Variants in SYNDIG1L observed in about 807,000 individuals in gnomAD.
SYNDIG1L encodes the protein synapse differentiation-inducing gene protein 1-like.
Under a neutral mutation model 20.1 loss-of-function variants are expected in SYNDIG1L, and 13 were observed. That is an observed-to-expected ratio of 0.65 (90% CI 0.42 to 1.03). SYNDIG1L has a LOEUF of 1.03. Among genes scored for constraint, SYNDIG1L ranks in the 50% least tolerant of loss-of-function variants. The pLI, the probability that SYNDIG1L is intolerant of heterozygous loss-of-function variation, is 0.00. For synonymous variants in SYNDIG1L, 128 were observed against 129.3 expected, an observed-to-expected ratio of 0.99 and a Z score of 0.07; for missense variants, 294 against 305.1, an observed-to-expected ratio of 0.96 and a Z score of 0.27.
chr14:74,406,990 C>T lies in SYNDIG1L; in HGVS notation c.*545G>A, dbSNP rs1281868660. ...CTAGAATCAGAGACAGCAAGAGGCC[C>T]CCTTGCCTCCACGTATTTCCTTCTT... On this transcript the variant is annotated 3_prime_UTR_variant, in exon 4 of 4. Transcript: ENST00000331628. 6.3e-6 allele frequency: 1 copy of T among 158,526 alleles called. No homozygotes were observed. The highest frequency in any genetic ancestry group is 1.4e-5 in the Non-Finnish European group (1 of 71,540). The allele number at this position is 158,526 out of a possible 1,614,324, so 9.8% of individuals were successfully genotyped here. A position where few individuals can be genotyped will look rare whatever the true frequency, so the allele number is the denominator to read the frequency against.
chr14:74,459,244 G>A, the SYNDIG1L span, among the ~76,000 whole-genome samples: 1 of 152,092 alleles, frequency 6.6e-6, no homozygotes, highest in Admixed American at 6.5e-5. Context: ...GGCTGGGTGT[G>A]GTGGCTCACA....
At chr14:74,460,770 T>G in the SYNDIG1L span, among the ~76,000 whole-genome samples, 52 of 152,248 alleles carry the variant, frequency 3.4e-4, 1 homozygote, top group African/African-American at 1.2e-3. Flanking sequence ...CATGTATTAA[T>G]AGCTATAGCT....
chr14:74,449,810 CA>C, the SYNDIG1L span, among the ~76,000 whole-genome samples: 239 of 152,052 alleles, frequency 1.6e-3, 1 homozygote, highest in African/African-American at 5.5e-3. Flanking sequence ...ATGATGATCT[CA>C]AATTCCACCT....
At chr14:74,435,263 A>G in the SYNDIG1L span, among the ~76,000 whole-genome samples, 2 of 152,176 alleles carry the variant, frequency 1.3e-5, no homozygotes, top group Non-Finnish European at 2.9e-5. Context: ...GCTTCAATTC[A>G]ATCAGCCAAT....
chr14:74,452,310 T>C, the SYNDIG1L span, among the ~76,000 whole-genome samples: 4 of 152,198 alleles, frequency 2.6e-5, no homozygotes, highest in African/African-American at 4.8e-5. Context: ...TTTGGCTGTG[T>C]CCCCACCCAA....
chr14:74,407,623 G>T lies in SYNDIG1L; in HGVS notation c.629C>A (p.Ala210Asp). 6.2e-7 allele frequency: 1 copy of T among 1,614,050 alleles called. No individual in the cohort carries two copies. The highest frequency in any genetic ancestry group is 8.5e-7 in the Non-Finnish European group (1 of 1,179,922). The change falls in exon 4 of 4, where the codon GCC (alanine) becomes GAC (aspartate). Residue 210 changes from alanine to aspartate, a missense_variant. Physicochemically the swap from Ala to Asp is moderately radical, Grantham distance 126 (BLOSUM62 -2). Transcript: ENST00000331628. ...STTSRRALFL[A>D]TLAIAVGAGL... Reference sequence around the variant, plus strand: ...GGCCCCCACGGCGATGGCGAGTGTGGCTAGGAAGAGGGCCCGGCGGGAGGT... The same window carrying T: ...GGCCCCCACGGCGATGGCGAGTGTGTCTAGGAAGAGGGCCCGGCGGGAGGT...
the SYNDIG1L span, among the ~76,000 whole-genome samples, chr14:74,439,101 C>T: frequency 3.7e-5 from 5 of 135,344 alleles, no homozygotes; most frequent in East Asian, 2.1e-4. Flanking sequence ...GTGACAAGAG[C>T]GAAACTCTGT....
At chr14:74,479,320 C>T in the SYNDIG1L span, 3 of 152,324 alleles carry the variant, frequency 2.0e-5, 1 homozygote, top group Non-Finnish European at 4.4e-5. Context: ...CACTTGCTCA[C>T]AAGCACTTTG....
chr14:74,426,690 T>C (rs185363928), upstream of SYNDIG1L, among the ~76,000 whole-genome samples: 762 of 152,018 alleles, frequency 5.0e-3, 7 homozygotes, highest in African/African-American at 0.017. Flanking sequence ...GGCAATATAG[T>C]GCCCCTCTTC....
At chr14:74,475,760 T>C in the SYNDIG1L span, among the ~76,000 whole-genome samples, 6 of 152,306 alleles carry the variant, frequency 3.9e-5, no homozygotes, top group East Asian at 1.2e-3. Context: ...CTAAAGCAAA[T>C]GTCTTGGCCT....
the SYNDIG1L span, among the ~76,000 whole-genome samples, chr14:74,442,697 C>T: frequency 6.6e-6 from 1 of 152,066 alleles, no homozygotes; most frequent in Non-Finnish European, 1.5e-5. Context: ...GGCTAGGAGG[C>T]CACTACTACG....
chr14:74,439,794 G>A, the SYNDIG1L span, among the ~76,000 whole-genome samples: 4 of 150,550 alleles, frequency 2.7e-5, no homozygotes, highest in Admixed American at 1.3e-4. Context: ...CAGGAGAATC[G>A]CTTGAACCCA....
the SYNDIG1L span, among the ~76,000 whole-genome samples, chr14:74,432,140 GGTGTGTGTGTGTGTGT>G: frequency 2.1e-4 from 26 of 121,088 alleles, no homozygotes; most frequent in Non-Finnish European, 3.6e-4. Flanking sequence ...TGCCTTGGAA[GGTGTGTGTGTGTGTGT>G]GTGTGTGTGT....
the SYNDIG1L span, among the ~76,000 whole-genome samples, chr14:74,471,712 T>C: frequency 2.0e-5 from 3 of 152,172 alleles, no homozygotes; most frequent in Non-Finnish European, 4.4e-5. Context: ...GCAACTATAG[T>C]GCACCCAGGG....
the SYNDIG1L span, among the ~76,000 whole-genome samples, chr14:74,459,164 T>C: frequency 0.022 from 3,314 of 152,158 alleles, 147 homozygotes; most frequent in African/African-American, 0.076. Flanking sequence ...GGAAAGTCCC[T>C]GGGTCATTGT....
At chr14:74,437,239 G>A in the SYNDIG1L span, among the ~76,000 whole-genome samples, 1,806 of 152,278 alleles carry the variant, frequency 0.012, 44 homozygotes, top group African/African-American at 0.042. Flanking sequence ...AGTGACAGGG[G>A]ACTCAAATCA....
chr14:74,427,683 T>C (rs146046465), upstream of SYNDIG1L, among the ~76,000 whole-genome samples: 218 of 152,200 alleles, frequency 1.4e-3, no homozygotes, highest in African/African-American at 5.0e-3. Context: ...CCAGCAAGGG[T>C]CTTGGACCAC....
chr14:74,435,635 C>T, the SYNDIG1L span, among the ~76,000 whole-genome samples: 5 of 152,146 alleles, frequency 3.3e-5, no homozygotes, highest in African/African-American at 1.2e-4. Context: ...GGTAGGTAAC[C>T]CAGTAATAAG....
chr14:74,427,404 A>G (rs536391865), upstream of SYNDIG1L, among the ~76,000 whole-genome samples: 1 of 152,100 alleles, frequency 6.6e-6, no homozygotes, highest in African/African-American at 2.4e-5. Flanking sequence ...AGCACATAGC[A>G]TGGTGGACTC....
Sources: allele counts gnomAD v4.1 joint callset (sites outside exome capture counted in the v4.1 genomes callset), GRCh38; gene constraint gnomAD v4.1.1; transcripts MANE v1.5; gene names NCBI Gene and HGNC (gene_info 2026-07-23, HGNC 2026-07-21).